MRTFA: variants seen among roughly 807,000 people sequenced by gnomAD.
The protein encoded by MRTFA is myocardin related transcription factor A.
MRTFA carries 20 observed loss-of-function variants against 83.5 expected under a neutral mutation model. The ratio of observed to expected loss-of-function variants is 0.24; its 90% CI spans 0.17 to 0.35. The LOEUF (loss-of-function observed/expected upper bound fraction) is 0.35, where lower values mean the gene tolerates loss of function less well. Ranked by LOEUF, MRTFA falls within the 10% of genes least tolerant of loss-of-function variation. The pLI is 1.00. For missense variants in MRTFA, 1,200 were observed against 1,224.7 expected, an observed-to-expected ratio of 0.98 and a Z score of 0.30; for synonymous variants, 659 against 541.2, an observed-to-expected ratio of 1.22 and a Z score of -3.02.
At chr22:40,630,654 T>C (rs1411780521) in intron 1 of MRTFA, among the ~76,000 whole-genome samples, 1 of 152,234 alleles carries the variant, frequency 6.6e-6, no homozygotes, top group East Asian at 1.9e-4. Context: ...GTCCTTTGAA[T>C]TCCTAAACTT....
Position 40,567,265 on chromosome 22 carries a change from C to T in MRTFA, c.-21-14898G>A, listed in dbSNP as rs2055719123. On this transcript the variant is annotated intron_variant, in intron 2 of 14. Transcript: ENST00000355630. ...TTCATTACATTCCTTGAACTTTATT[C>T]ATGCCCACAAACACTACAGGTATGC... 2.6e-5 allele frequency among the ~76,000 whole-genome samples: 4 copies of T among 152,158 alleles called. 1 individual carries two copies. Among genetic ancestry groups the T allele is most frequent in the Admixed American group, 2.6e-4 (4 of 15,278 alleles).
At chr22:40,551,612 G>A (rs1379139270) in intron 3 of MRTFA, among the ~76,000 whole-genome samples, 1 of 152,100 alleles carries the variant, frequency 6.6e-6, no homozygotes, top group East Asian at 1.9e-4. Context: ...GAGGTGATCT[G>A]TGCACCTCGG....
At chr22:40,582,287 G>C (rs551364570) in intron 2 of MRTFA, among the ~76,000 whole-genome samples, 26 of 152,274 alleles carry the variant, frequency 1.7e-4, no homozygotes, top group African/African-American at 6.3e-4. Context: ...CAACTGTATA[G>C]ATATACCACA....
chr22:40,538,969 C>A (rs1289261521), intron 3 of MRTFA, among the ~76,000 whole-genome samples: 1 of 147,686 alleles, frequency 6.8e-6, no homozygotes, highest in Non-Finnish European at 1.5e-5. Context: ...GGACATTATA[C>A]TGCAGGATAC....
chr22:40,419,260 G>A lies in MRTFA; in HGVS notation c.1478C>T (p.Ala493Val). 1 of 1,612,966 alleles carries A rather than the reference G, an allele frequency of 6.2e-7. No homozygotes were observed. Among genetic ancestry groups the A allele is most frequent in the Non-Finnish European group, 8.5e-7 (1 of 1,179,624 alleles). ...GTGCAGGATAGAGGTGGCGGCAGGG[G>A]CCTTGGGGGCTCCTGGCACAGGGCT... The change falls in exon 12 of 15, where the codon GCC (alanine) becomes GTC (valine). Residue 493 changes from alanine (A) to valine (V), a missense_variant. By Grantham distance (64) the Ala-to-Val change is moderately conservative. Transcript: ENST00000355630.
At chr22:40,622,343 T>TTTTTATACAA (rs2056533232) in intron 1 of MRTFA, among the ~76,000 whole-genome samples, 1 of 151,838 alleles carries the variant, frequency 6.6e-6, no homozygotes. Context: ...TAGCCAGGTA[T>TTTTTATACAA]GATGGTGGCC....
At chr22:40,574,902 A>C (rs984707019) in intron 2 of MRTFA, among the ~76,000 whole-genome samples, 4 of 152,208 alleles carry the variant, frequency 2.6e-5, no homozygotes, top group African/African-American at 9.6e-5. Flanking sequence ...GAACGACTAC[A>C]GTTGTGAACT....
At chr22:40,435,386 C>A (rs2053148456) in intron 5 of MRTFA, 113 bp downstream of exon 5, 4 of 1,153,866 alleles carry the variant, frequency 3.5e-6, no homozygotes, top group Non-Finnish European at 5.2e-6. Context: ...TAGAGTCTAG[C>A]AGGCTCTGGC....
intron 2 of MRTFA, among the ~76,000 whole-genome samples, chr22:40,558,823 C>T (rs1337257454): frequency 6.7e-6 from 1 of 149,180 alleles, no homozygotes; most frequent in Non-Finnish European, 1.5e-5. Flanking sequence ...GACAGTCTCG[C>T]TCCACCACCC....
At chr22:40,491,214 C>T (rs1486555686) in intron 3 of MRTFA, among the ~76,000 whole-genome samples, 1 of 152,022 alleles carries the variant, frequency 6.6e-6, no homozygotes, top group Non-Finnish European at 1.5e-5. Flanking sequence ...CAGTGGTGCA[C>T]GCCTGTAGTC....
At chr22:40,440,478 ATTC>A (rs1388725382) in intron 4 of MRTFA, among the ~76,000 whole-genome samples, 5 of 152,100 alleles carry the variant, frequency 3.3e-5, no homozygotes, top group Non-Finnish European at 5.9e-5. Flanking sequence ...CTCATTTTTA[ATTC>A]TTCTCTCTGA....
At chr22:40,508,322 C>T (rs919579632) in intron 3 of MRTFA, among the ~76,000 whole-genome samples, 1 of 151,704 alleles carries the variant, frequency 6.6e-6, no homozygotes, top group South Asian at 2.1e-4. Flanking sequence ...CCAGCCTGAC[C>T]GACATGGTGA....
At chr22:40,525,673 T>C (rs1217820373) in intron 3 of MRTFA, among the ~76,000 whole-genome samples, 1 of 152,198 alleles carries the variant, frequency 6.6e-6, no homozygotes, top group African/African-American at 2.4e-5. Context: ...TTGAAAACAA[T>C]GCTCTATACT....
At chr22:40,459,923 A>G (rs987360450) in intron 4 of MRTFA, among the ~76,000 whole-genome samples, 10 of 148,026 alleles carry the variant, frequency 6.8e-5, no homozygotes, top group African/African-American at 2.5e-4. Context: ...CAAGCATATA[A>G]GCAGATAACC....
rs568924708 is a variant in MRTFA, at chr22:40,625,777, G to A, written c.-84+10701C>T. Among the ~76,000 whole-genome samples the A allele has an allele frequency of 1.8e-4, 27 of 152,036 alleles. 1 individual carries two copies. The highest frequency in any genetic ancestry group is 3.4e-3 in the Middle Eastern group (1 of 294). Reference sequence around the variant, plus strand: ...CTGGGCAACAGAGCAAGAAGACTCCGTCTCATAAATGAAAATAAATAAATA... The same window carrying A: ...CTGGGCAACAGAGCAAGAAGACTCCATCTCATAAATGAAAATAAATAAATA... On this transcript the variant is annotated intron_variant, in intron 1 of 14. Coordinates refer to ENST00000355630, the MANE Select transcript of MRTFA (RefSeq NM_020831.6).
At chr22:40,594,801 G>A (rs928946606) in intron 1 of MRTFA, 66 bp from the exon 2 acceptor site, 10 of 149,304 alleles carry the variant, frequency 6.7e-5, no homozygotes, top group African/African-American at 2.2e-4. Context: ...CCTAAAAGGC[G>A]TTTGGTTTCA....
chr22:40,528,193 C>A (rs933970247), intron 3 of MRTFA, among the ~76,000 whole-genome samples: 1 of 152,104 alleles, frequency 6.6e-6, no homozygotes, highest in African/African-American at 2.4e-5. Context: ...CACTTCCCAG[C>A]GGGTGGAAGG....
At chr22:40,424,794 C>A (rs2052918833) in intron 7 of MRTFA, among the ~76,000 whole-genome samples, 1 of 152,186 alleles carries the variant, frequency 6.6e-6, no homozygotes, top group African/African-American at 2.4e-5. Context: ...CCACACTGCA[C>A]AAAACTCTCT....
chr22:40,479,055 GA>G (rs1413748012), intron 3 of MRTFA, among the ~76,000 whole-genome samples: 1 of 152,132 alleles, frequency 6.6e-6, no homozygotes, highest in Non-Finnish European at 1.5e-5. Flanking sequence ...CCTTTTTAAT[GA>G]AAAGCAGCCC....
Sources: allele counts gnomAD v4.1 joint callset (sites outside exome capture counted in the v4.1 genomes callset), GRCh38; gene constraint gnomAD v4.1.1; transcripts MANE v1.5; gene names NCBI Gene and HGNC (gene_info 2026-07-23, HGNC 2026-07-21).